The following ALG6 variants were observed in gnomAD, a reference collection of about 807,000 sequenced individuals.
ALG6 encodes the protein ALG6 alpha-1,3-glucosyltransferase.
ALG6 carries 46 observed loss-of-function variants against 66.6 expected under a neutral mutation model. That is an observed-to-expected ratio of 0.69 (90% CI 0.55 to 0.88). The LOEUF (loss-of-function observed/expected upper bound fraction) is 0.88. ALG6 is among the 40% of genes least tolerant of loss of function. The pLI, the probability that ALG6 is intolerant of heterozygous loss-of-function variation, is 0.00. For missense variants in ALG6, 505 were observed against 586.8 expected (o/e 0.86, Z 1.44); for synonymous variants, 185 against 203.7 (o/e 0.91, Z 0.78).
At position 63,382,221 on chromosome 1, in the gene ALG6, A is replaced by G. The variant is rs146163335; in HGVS notation, c.82+11162A>G. On this transcript the variant is annotated intron_variant, in intron 2 of 14. Coordinates refer to ENST00000263440, the MANE Select transcript of ALG6 (RefSeq NM_013339.4). Reference sequence around the variant, plus strand: ...ATTTTTATTTTATTATTATTTTTTGAAATGGAGTCTTGCTGTGTCGCCCAG... The same window carrying G: ...ATTTTTATTTTATTATTATTTTTTGGAATGGAGTCTTGCTGTGTCGCCCAG... 2.5e-3 allele frequency among the ~76,000 whole-genome samples: 380 copies of G among 151,052 alleles called. 8 individuals carry two copies. The East Asian group carries it at 0.053, about 21-fold the overall frequency.
At chr1:63,413,504 G>GT (rs1644526659) in intron 9 of ALG6, among the ~76,000 whole-genome samples, 1 of 152,316 alleles carries the variant, frequency 6.6e-6, no homozygotes, top group African/African-American at 2.4e-5. Context: ...CTGCACAGCT[G>GT]TAAGTCAAGC....
At chr1:63,386,986 T>A (rs1468483915) in intron 2 of ALG6, among the ~76,000 whole-genome samples, 1 of 152,210 alleles carries the variant, frequency 6.6e-6, no homozygotes, top group Non-Finnish European at 1.5e-5. Flanking sequence ...ATGTTGTGTT[T>A]CCATTTTCAT....
intron 2 of ALG6, among the ~76,000 whole-genome samples, chr1:63,373,862 T>C (rs1355644885): frequency 6.6e-6 from 1 of 151,926 alleles, no homozygotes; most frequent in Middle Eastern, 3.2e-3. Flanking sequence ...GCTCGAGCAA[T>C]ACTCCTGCCT....
intron 1 of ALG6, among the ~76,000 whole-genome samples, chr1:63,368,935 G>A (rs532939459): frequency 1.3e-5 from 2 of 152,250 alleles, no homozygotes; most frequent in South Asian, 2.1e-4. Flanking sequence ...AAGATTCACA[G>A]CATTTCAGAA....
rs750366386 is a variant in ALG6, at chr1:63,429,008, C to A, written c.1208C>A (p.Thr403Asn). 1 of 1,611,332 alleles carries A rather than the reference C, an allele frequency of 6.2e-7. No individual in the cohort carries two copies. The highest frequency in any genetic ancestry group is 1.1e-5 in the South Asian group (1 of 90,090). Residue 403 changes from threonine (T) to asparagine (N), a missense_variant, in exon 14 of 15, where the codon ACT (threonine) becomes AAT (asparagine). Thr to Asn is a moderately conservative substitution (Grantham distance 65, BLOSUM62 0). Transcript: ENST00000263440. Reference sequence around the variant, plus strand: ...ATGGCATTTTTTATAGCTTGTGTAACTTCCTTTTCAATATTTGAAAAGACT... The same window carrying A: ...ATGGCATTTTTTATAGCTTGTGTAAATTCCTTTTCAATATTTGAAAAGACT... ...TTMAFFIACV[T>N]SFSIFEKTSE...
chr1:63,392,053 A>G (rs887693218), intron 2 of ALG6, among the ~76,000 whole-genome samples: 13 of 152,276 alleles, frequency 8.5e-5, no homozygotes, highest in African/African-American at 2.9e-4. Context: ...TGGCTGTTTG[A>G]TGAGAAAGTT....
chr1:63,367,886 G>T (rs997333436), intron 1 of ALG6, among the ~76,000 whole-genome samples, 199 bp downstream of exon 1: 5 of 152,190 alleles, frequency 3.3e-5, no homozygotes, highest in Non-Finnish European at 4.4e-5. Context: ...CGGTGATAGT[G>T]GTGGCACTTG....
Position 63,411,944 on chromosome 1 carries a change from G to T in ALG6, c.699G>T (p.Lys233Asn), listed in dbSNP as rs1310450217. 1 of 1,613,942 alleles carries T rather than the reference G, an allele frequency of 6.2e-7. No individual in the cohort carries two copies. Residue 233 changes from lysine to asparagine, a missense_variant, in exon 9 of 15, where the codon AAG (lysine) becomes AAT (asparagine). Transcript: ENST00000263440. Reference sequence around the variant, plus strand: ...GTTTTAGGTTTGTGTTGCTAGTTAAGCTAGCTTGTATTGTTGTGGCTTCCT... The same window carrying T: ...GTTTTAGGTTTGTGTTGCTAGTTAATCTAGCTTGTATTGTTGTGGCTTCCT... ...LKGKGFVLLVKLACIVVASFV... is the reference protein window; with the variant it reads ...LKGKGFVLLVNLACIVVASFV...
intron 2 of ALG6, among the ~76,000 whole-genome samples, chr1:63,372,859 C>T (rs1226608494): frequency 6.6e-6 from 1 of 152,024 alleles, no homozygotes; most frequent in Non-Finnish European, 1.5e-5. Flanking sequence ...GAGGTTTCAC[C>T]ATGTTGGTCA....
At chr1:63,419,657 T>C (rs748119361) in intron 12 of ALG6, among the ~76,000 whole-genome samples, 1 of 152,208 alleles carries the variant, frequency 6.6e-6, no homozygotes, top group Non-Finnish European at 1.5e-5. Context: ...GACATAATAG[T>C]AATTTCTTCC....
chr1:63,408,669 T>G (rs979073802), intron 7 of ALG6, among the ~76,000 whole-genome samples: 5 of 152,226 alleles, frequency 3.3e-5, no homozygotes, highest in Admixed American at 3.3e-4. Flanking sequence ...TGACCAACTG[T>G]CAATGGTTTT....
At chr1:63,420,788 G>A (rs1644568929) in intron 12 of ALG6, among the ~76,000 whole-genome samples, 1 of 151,632 alleles carries the variant, frequency 6.6e-6, no homozygotes, top group Non-Finnish European at 1.5e-5. Context: ...TTGAACCCAG[G>A]AGGTGGAGGT....
At chr1:63,436,712 A>G in intron 14 of ALG6, 111 bp from the exon 15 acceptor site, 9 of 969,096 alleles carry the variant, frequency 9.3e-6, no homozygotes, top group Non-Finnish European at 1.5e-5. Flanking sequence ...AATAAATTAG[A>G]CCCTCAACCC....
intron 2 of ALG6, among the ~76,000 whole-genome samples, chr1:63,393,139 CA>C (rs995625799): frequency 2.0e-4 from 31 of 152,278 alleles, no homozygotes; most frequent in African/African-American, 7.0e-4. Flanking sequence ...AAAGGAAAGT[CA>C]ACTCCTTTCC....
intron 2 of ALG6, among the ~76,000 whole-genome samples, chr1:63,379,780 AC>A (rs1177993881): frequency 3.3e-5 from 5 of 149,360 alleles, no homozygotes; most frequent in Admixed American, 2.0e-4. Context: ...TATATATAAA[AC>A]ATATATAAAA....
chr1:63,409,565 A>C lies in ALG6; in HGVS notation c.495-1581A>C, dbSNP rs1570068346. Among the ~76,000 whole-genome samples, 6 of 152,156 alleles carry C rather than the reference A, an allele frequency of 3.9e-5. No individual in the cohort carries two copies. The East Asian group carries it at 1.2e-3, about 29-fold the overall frequency. ...CATTTGTATTGTTAGGTATATTTTTAATTTCTAATTAGAATTTACTACTTT... is the reference window on the plus strand; with the variant it reads ...CATTTGTATTGTTAGGTATATTTTTCATTTCTAATTAGAATTTACTACTTT... On this transcript the variant is annotated intron_variant, in intron 7 of 14. Transcript: ENST00000263440.
intron 8 of ALG6, 59 bp from the exon 9 acceptor site, chr1:63,411,867 G>A (rs1446929986): frequency 6.2e-7 from 1 of 1,609,936 alleles, no homozygotes; most frequent in East Asian, 2.2e-5. Context: ...GACTCAGGTT[G>A]ATTTTGCAGA....
At chr1:63,398,726 CG>C (rs1557586728) in intron 3 of ALG6, among the ~76,000 whole-genome samples, 1 of 152,120 alleles carries the variant, frequency 6.6e-6, no homozygotes, top group African/African-American at 2.4e-5. Flanking sequence ...CCGCCCATCT[CG>C]GCCTCCCAAA....
At chr1:63,412,297 T>TC (rs1174747514) in intron 9 of ALG6, among the ~76,000 whole-genome samples, 1 of 152,134 alleles carries the variant, frequency 6.6e-6, no homozygotes, top group Non-Finnish European at 1.5e-5. Context: ...AGCCTTGAAC[T>TC]CCTGGGCTCA....
Sources: allele counts gnomAD v4.1 joint callset (sites outside exome capture counted in the v4.1 genomes callset), GRCh38; gene constraint gnomAD v4.1.1; transcripts MANE v1.5; gene names NCBI Gene and HGNC (gene_info 2026-07-23, HGNC 2026-07-21).